Variants in MGAT4C observed in about 807,000 individuals in gnomAD.
The protein encoded by MGAT4C is MGAT4 family member C, also known as alpha-1,3-mannosyl-glycoprotein 4-beta-N-acetylglucosaminyltransferase C.
Under a neutral mutation model 40.1 loss-of-function variants are expected in MGAT4C, and 19 were observed. That is an observed-to-expected ratio of 0.47 (90% CI 0.33 to 0.70). The LOEUF (loss-of-function observed/expected upper bound fraction) is 0.70. Among genes scored for constraint, MGAT4C ranks in the 30% least tolerant of loss-of-function variants. MGAT4C has a pLI of 0.02. For missense variants in MGAT4C, 491 were observed against 563.2 expected (o/e 0.87, Z 1.30); for synonymous variants, 181 against 187.1 (o/e 0.97, Z 0.27).
At chr12:86,227,863 T>C (rs1951156297) in intron 1 of MGAT4C, among the ~76,000 whole-genome samples, 1 of 151,910 alleles carries the variant, frequency 6.6e-6, no homozygotes, top group Non-Finnish European at 1.5e-5. Context: ...AATTAAATGA[T>C]GTAGTAGTAC....
At chr12:86,002,306 T>C (rs1385914635) in intron 2 of MGAT4C, 1 of 152,218 alleles carries the variant, frequency 6.6e-6, no homozygotes, top group Non-Finnish European at 1.5e-5. Flanking sequence ...AGGTGCTTGA[T>C]GTTCTTTCAG....
chr12:86,091,768 G>A (rs1872928457), intron 1 of MGAT4C, among the ~76,000 whole-genome samples: 1 of 151,952 alleles, frequency 6.6e-6, no homozygotes, highest in East Asian at 1.9e-4. Context: ...TAACTCGATG[G>A]AGAGCCCTTG....
chr12:86,399,396 C>T (rs1956316468), intron 3 of MGAT4C, among the ~76,000 whole-genome samples: 1 of 152,006 alleles, frequency 6.6e-6, no homozygotes, highest in Non-Finnish European at 1.5e-5. Context: ...ATTCTCCTGC[C>T]TCAGCCTCCC....
At chr12:86,092,316 T>A (rs1873027307) in intron 1 of MGAT4C, among the ~76,000 whole-genome samples, 1 of 152,116 alleles carries the variant, frequency 6.6e-6, no homozygotes, top group Non-Finnish European at 1.5e-5. Flanking sequence ...TGGAAGGAGC[T>A]GGAAGAAAGG....
chr12:86,635,309 A>G (rs1963185464), intron 2 of MGAT4C, among the ~76,000 whole-genome samples: 1 of 152,098 alleles, frequency 6.6e-6, no homozygotes, highest in African/African-American at 2.4e-5. Flanking sequence ...GGGTAAGAAA[A>G]GTTAATTAAA....
chr12:86,048,441 C>G (rs1479363240), intron 2 of MGAT4C, among the ~76,000 whole-genome samples: 1 of 151,870 alleles, frequency 6.6e-6, no homozygotes, highest in African/African-American at 2.4e-5. Context: ...TGTAACAGAC[C>G]TGCACATGTA....
chr12:86,489,684 C>A (rs1958094203), intron 2 of MGAT4C, among the ~76,000 whole-genome samples: 1 of 152,142 alleles, frequency 6.6e-6, no homozygotes, highest in Admixed American at 6.5e-5. Context: ...TTTGCTCATA[C>A]ACTCCCTCCT....
intron 2 of MGAT4C, among the ~76,000 whole-genome samples, chr12:86,497,330 C>T (rs925459046): frequency 6.6e-6 from 1 of 151,794 alleles, no homozygotes; most frequent in Non-Finnish European, 1.5e-5. Flanking sequence ...GTTAAAGCAG[C>T]GTTTTTGATG....
intron 1 of MGAT4C, among the ~76,000 whole-genome samples, chr12:86,058,397 T>A (rs1190003665): frequency 6.6e-6 from 1 of 152,038 alleles, no homozygotes; most frequent in East Asian, 1.9e-4. Context: ...GCAAGAAAAA[T>A]GAACTCAATA....
chr12:86,695,060 C>A (rs1950231769), intron 2 of MGAT4C, among the ~76,000 whole-genome samples: 1 of 152,174 alleles, frequency 6.6e-6, no homozygotes, highest in South Asian at 2.1e-4. Flanking sequence ...GCAGCTCAAG[C>A]AACTCTACAG....
intron 2 of MGAT4C, among the ~76,000 whole-genome samples, chr12:86,459,475 C>T (rs1275634030): frequency 2.0e-5 from 3 of 151,876 alleles, no homozygotes; most frequent in Non-Finnish European, 4.4e-5. Flanking sequence ...CTGCAGGTGG[C>T]CACTAGTAGC....
rs1225437321 is a variant in MGAT4C at position 86,794,349 on chromosome 12, AAACT to A, written c.-262+44313_-262+44316del. On this transcript the variant is annotated intron_variant, in intron 1 of 7. Transcript: ENST00000548651. The stretch of plus-strand genomic sequence containing the variant: ...ATGGATATCATCAGAAATTTTAATA[AAACT>A]AACTTTTAGAAATATTTTATTTTAT... 4.6e-5 allele frequency among the ~76,000 whole-genome samples: 7 copies of A among 151,866 alleles called. No individual in the cohort carries two copies. In the East Asian group the frequency reaches 1.4e-3, roughly 29 times the overall value.
At chr12:86,494,961 A>G (rs892923931) in intron 2 of MGAT4C, among the ~76,000 whole-genome samples, 1 of 152,104 alleles carries the variant, frequency 6.6e-6, no homozygotes, top group African/African-American at 2.4e-5. Flanking sequence ...AATATAATGT[A>G]TTTCTAATAA....
intron 2 of MGAT4C, among the ~76,000 whole-genome samples, chr12:86,694,748 A>G (rs1056540362): frequency 6.6e-6 from 1 of 152,226 alleles, no homozygotes; most frequent in Non-Finnish European, 1.5e-5. Context: ...CACCATGTAC[A>G]AAAATCAAAT....
chr12:86,589,117 G>C (rs1961204860), intron 2 of MGAT4C, among the ~76,000 whole-genome samples: 1 of 151,754 alleles, frequency 6.6e-6, no homozygotes, highest in Non-Finnish European at 1.5e-5. Flanking sequence ...TCCAGGAGCT[G>C]GTTTTCTGAA....
At chr12:86,499,183 G>A (rs1442016031) in intron 2 of MGAT4C, among the ~76,000 whole-genome samples, 5 of 151,796 alleles carry the variant, frequency 3.3e-5, no homozygotes, top group Non-Finnish European at 7.4e-5. Flanking sequence ...GCAATTAGTA[G>A]TTGTGTTACG....
chr12:86,650,855 A>G (rs1173674591), intron 2 of MGAT4C, among the ~76,000 whole-genome samples: 1 of 151,948 alleles, frequency 6.6e-6, no homozygotes, highest in Non-Finnish European at 1.5e-5. Context: ...TCAGAAAAGC[A>G]CTGAACCTTT....
intron 1 of MGAT4C, among the ~76,000 whole-genome samples, chr12:86,101,023 A>AT (rs907650564): frequency 1.3e-5 from 2 of 151,422 alleles, no homozygotes. Flanking sequence ...TATTTTTCCT[A>AT]TTTTTTTTCT....
At chr12:86,171,356 T>C (rs1238096842) in intron 1 of MGAT4C, among the ~76,000 whole-genome samples, 1 of 151,884 alleles carries the variant, frequency 6.6e-6, no homozygotes, top group East Asian at 1.9e-4. Context: ...GCAACAAGAG[T>C]GAAATTCCAT....
Sources: gnomAD v4.1 joint callset for allele counts (sites outside exome capture counted in the v4.1 genomes callset) on GRCh38, gnomAD v4.1.1 for gene constraint, MANE v1.5 for transcripts, NCBI Gene and HGNC (gene_info 2026-07-23, HGNC 2026-07-21) for gene names.